Variants in PLCB1 observed in about 807,000 individuals in gnomAD.
PLCB1 encodes phospholipase C beta 1, also known as 1-phosphatidylinositol 4,5-bisphosphate phosphodiesterase beta-1.
PLCB1 carries 46 observed loss-of-function variants against 161.8 expected under a neutral mutation model. The observed-to-expected ratio is 0.28, with a 90% CI of 0.22 to 0.36. The LOEUF is 0.36. PLCB1 is among the 10% of genes least tolerant of loss of function. The pLI is 1.00. For missense variants in PLCB1, 1,016 were observed against 1,472.5 expected (o/e 0.69, Z 5.07); for synonymous variants, 517 against 503.7 (o/e 1.03, Z -0.35).
intron 31 of PLCB1, among the ~76,000 whole-genome samples, chr20:8,807,496 C>T (rs1380635438): frequency 4.6e-5 from 7 of 151,522 alleles, no homozygotes; most frequent in Non-Finnish European, 5.9e-5. Context: ...TGTATATATG[C>T]GTGCTTATTT....
At chr20:8,539,547 T>G (rs952313780) in intron 3 of PLCB1, among the ~76,000 whole-genome samples, 3 of 152,196 alleles carry the variant, frequency 2.0e-5, no homozygotes, top group Non-Finnish European at 4.4e-5. Flanking sequence ...ACTTTACTGT[T>G]ATACTGTTTT....
At chr20:8,619,568 T>C (rs1988123412) in intron 3 of PLCB1, among the ~76,000 whole-genome samples, 1 of 152,150 alleles carries the variant, frequency 6.6e-6, no homozygotes, top group African/African-American at 2.4e-5. Context: ...ACATTAGAGT[T>C]TGAGGATTTA....
At chr20:8,808,101 T>A (rs1302231666) in intron 31 of PLCB1, among the ~76,000 whole-genome samples, 1 of 152,160 alleles carries the variant, frequency 6.6e-6, no homozygotes, top group African/African-American at 2.4e-5. Context: ...GATGCGAGTA[T>A]CATGTTACTT....
At chr20:8,525,138 T>C (rs879887906) in intron 3 of PLCB1, among the ~76,000 whole-genome samples, 1 of 143,498 alleles carries the variant, frequency 7.0e-6, no homozygotes, top group Non-Finnish European at 1.5e-5. Context: ...CTGCTGACAG[T>C]GACATTTATG....
chr20:8,612,447 A>G (rs151213091), intron 3 of PLCB1, among the ~76,000 whole-genome samples: 2 of 152,248 alleles, frequency 1.3e-5, no homozygotes, highest in East Asian at 3.9e-4. Flanking sequence ...CATAGCAACA[A>G]TGGTTGTTTC....
intron 10 of PLCB1, among the ~76,000 whole-genome samples, chr20:8,695,029 A>G (rs1990555970): frequency 6.6e-6 from 1 of 152,220 alleles, no homozygotes; most frequent in Non-Finnish European, 1.5e-5. Flanking sequence ...ATGACAATGT[A>G]CTTTGAAAAG....
chr20:8,839,249 G>A (rs956559313), intron 31 of PLCB1, among the ~76,000 whole-genome samples: 10 of 152,210 alleles, frequency 6.6e-5, no homozygotes, highest in African/African-American at 2.4e-4. Flanking sequence ...TTCTTCTGAA[G>A]TGAAGGATAA....
chr20:8,732,105 G>C (rs1980281715), intron 18 of PLCB1: 1 of 152,026 alleles, frequency 6.6e-6, no homozygotes, highest in Non-Finnish European at 1.5e-5. Flanking sequence ...CACTGAGTCT[G>C]AGGAAAATTT....
chr20:8,308,618 CAAAAA>C (rs71183088), intron 2 of PLCB1, among the ~76,000 whole-genome samples: 1 of 73,602 alleles, frequency 1.4e-5, no homozygotes. Flanking sequence ...TTCCGTATAT[CAAAAA>C]AAAAAAAAAA....
chr20:8,197,498 T>C (rs1482668167), intron 2 of PLCB1, among the ~76,000 whole-genome samples: 1 of 152,198 alleles, frequency 6.6e-6, no homozygotes, highest in Non-Finnish European at 1.5e-5. Context: ...TGCCCACTTG[T>C]TGATGGGGTT....
intron 6 of PLCB1, among the ~76,000 whole-genome samples, chr20:8,648,941 TAAAAA>T (rs11478396): frequency 7.7e-6 from 1 of 130,158 alleles, no homozygotes; most frequent in African/African-American, 2.8e-5. Flanking sequence ...ACCCTGTCTC[TAAAAA>T]AAAAAAAAGA....
intron 31 of PLCB1, among the ~76,000 whole-genome samples, chr20:8,835,905 G>T (rs1986262554): frequency 7.6e-6 from 1 of 130,842 alleles, no homozygotes; most frequent in Non-Finnish European, 1.7e-5. Flanking sequence ...CTGCTCACAA[G>T]TCTATGGGTC....
At chr20:8,750,865 C>G (rs771331014) in intron 23 of PLCB1, 2 of 1,365,316 alleles carry the variant, frequency 1.5e-6, no homozygotes, top group Admixed American at 3.8e-5. Context: ...AAACTGATGG[C>G]CTTACCTCTT....
rs201832361 is a variant in PLCB1, at chr20:8,722,385, T to C, written c.1545T>C (p.Asp515=). The change falls in exon 15 of 32, where the codon GAT becomes GAC. Residue 515 remains aspartate (D), a synonymous_variant. Coordinates refer to ENST00000338037, the MANE Select transcript of PLCB1 (RefSeq NM_015192.4). The stretch of plus-strand genomic sequence containing the variant: ...CTGATACGGAAAGTGACGACGACGA[T>C]GATGATGATGACTGTAAAAAATCTT... ...GEADTESDDD[D]DDDDCKKSSM... 1.2e-5 allele frequency: 20 copies of C among 1,606,126 alleles called. No homozygotes were observed. In the East Asian group the frequency reaches 1.6e-4, roughly 13 times the overall value.
intron 9 of PLCB1, among the ~76,000 whole-genome samples, chr20:8,667,813 A>T (rs1235196256): frequency 6.6e-6 from 1 of 152,212 alleles, no homozygotes; most frequent in African/African-American, 2.4e-5. Context: ...CACCTTTCAG[A>T]GGTGCCTTGC....
rs758725926 is a variant in PLCB1 at position 8,760,379 on chromosome 20, GCTAT to G, written c.2657-27_2657-24del. The G allele has an allele frequency of 1.1e-5, 16 of 1,431,642 alleles. No homozygotes were observed. In the African/African-American group the frequency reaches 2.1e-4, roughly 19 times the overall value. The allele number at this position is 1,431,642 out of a possible 1,614,324, so 88.7% of individuals were successfully genotyped here. ...GAATAAAATTTAAAAAGTTGAAGAG[GCTAT>G]TTATTTTATCTTTTATATTACAGGT... On this transcript the variant is annotated intron_variant, in intron 24 of 31. Transcript: ENST00000338037.
intron 31 of PLCB1, among the ~76,000 whole-genome samples, chr20:8,876,094 A>G (rs1987771043): frequency 6.6e-6 from 1 of 152,200 alleles, no homozygotes; most frequent in Non-Finnish European, 1.5e-5. Context: ...GTTCACAAAA[A>G]TGACTAGTGG....
At chr20:8,224,145 A>G (rs1021968292) in intron 2 of PLCB1, among the ~76,000 whole-genome samples, 15 of 152,196 alleles carry the variant, frequency 9.9e-5, no homozygotes, top group African/African-American at 2.7e-4. Flanking sequence ...TCATTGTGGT[A>G]AAATGGAAAT....
rs143023539 is a variant in PLCB1 at position 8,182,515 on chromosome 20, C to T, written c.177+32144C>T. Among the ~76,000 whole-genome samples, 1,378 of 151,990 alleles carry T rather than the reference C, an allele frequency of 9.1e-3. 15 individuals carry two copies. The highest frequency in any genetic ancestry group is 0.031 in the African/African-American group (1,280 of 41,448). The stretch of plus-strand genomic sequence containing the variant: ...GATGAAAGATCATGTGGAAAAGAGA[C>T]GAGTCATCCTATACCATCAAGCTCC... On this transcript the variant is annotated intron_variant, in intron 2 of 31. Coordinates refer to ENST00000338037, the MANE Select transcript of PLCB1 (RefSeq NM_015192.4).
Sources: allele counts gnomAD v4.1 joint callset (sites outside exome capture counted in the v4.1 genomes callset), GRCh38; gene constraint gnomAD v4.1.1; transcripts MANE v1.5; gene names NCBI Gene and HGNC (gene_info 2026-07-23, HGNC 2026-07-21).